The following CSF1R variants were observed in gnomAD, a reference collection of about 807,000 sequenced individuals.
The protein encoded by CSF1R is colony stimulating factor 1 receptor, also known as macrophage colony-stimulating factor 1 receptor.
CSF1R carries 40 observed loss-of-function variants against 110.0 expected under a neutral mutation model. The observed-to-expected ratio is 0.36, with a 90% confidence interval of 0.28 to 0.47. CSF1R has a LOEUF of 0.47. Among genes scored for constraint, CSF1R ranks in the 20% least tolerant of loss-of-function variants. CSF1R has a pLI of 0.99. For synonymous variants in CSF1R, 523 were observed against 503.4 expected (o/e 1.04, Z -0.52); for missense variants, 1,052 against 1,253.0 (o/e 0.84, Z 2.42).
intron 14 of CSF1R, chr5:150,058,313 C>G (rs1757344107): frequency 4.4e-6 from 2 of 456,166 alleles, no homozygotes; most frequent in Non-Finnish European, 8.8e-6. Flanking sequence ...AGAAGCACTA[C>G]TGTAGACTGA....
rs1217004843 is a variant in CSF1R, at chr5:150,084,455, G to GAAGA, written c.49+1920_49+1923dup. Among the ~76,000 whole-genome samples the GAAGA allele has an allele frequency of 4.4e-4, 27 of 61,716 alleles. 1 individual carries two copies. The highest frequency in any genetic ancestry group is 2.0e-3 in the African/African-American group (19 of 9,614). The allele number at this position is 61,716 out of a possible 152,430, so 40.5% of individuals were successfully genotyped here. On this transcript the variant is annotated intron_variant, in intron 1 of 20. Coordinates refer to ENST00000675795, the MANE Select transcript of CSF1R (RefSeq NM_001288705.3). ...GGAAGGAAGGAAGGAAGGAAGGAAGGAAGAAAGAAAGGAAGGAGATGGAGT... is the reference window on the plus strand; with the variant it reads ...GGAAGGAAGGAAGGAAGGAAGGAAGGAAGAAAGAAAGAAAGGAAGGAGATGGAGT...
intron 1 of CSF1R, among the ~76,000 whole-genome samples, chr5:150,105,167 T>G (rs1759509915): frequency 6.6e-6 from 1 of 150,946 alleles, no homozygotes; most frequent in Non-Finnish European, 1.5e-5. Context: ...GCTAACACAG[T>G]GAAACCCTGT....
At position 150,057,347 on chromosome 5, in the gene CSF1R, C is replaced by T. The variant is rs761500096; in HGVS notation, c.2259G>A (p.Arg753=). Residue 753 remains arginine, a synonymous_variant, in exon 16 of 21, where the codon CGG becomes CGA. Coordinates refer to ENST00000675795, the MANE Select transcript of CSF1R (RefSeq NM_001288705.3). The part of the protein sequence containing the change: ...DKEDGRPLEL[R]DLLHFSSQVA... ...CTTGGCTGGAGAAGTGAAGCAGGTCCCGGAGCTCCAGGGGCCGTCCATCCT... is the reference window on the plus strand; with the variant it reads ...CTTGGCTGGAGAAGTGAAGCAGGTCTCGGAGCTCCAGGGGCCGTCCATCCT... The T allele has an allele frequency of 6.2e-7, 1 of 1,614,086 alleles. No individual in the cohort carries two copies. The highest frequency in any genetic ancestry group is 8.5e-7 in the Non-Finnish European group (1 of 1,180,030).
chr5:150,080,176 G>A lies in CSF1R; in HGVS notation c.468C>T (p.Phe156=). 6.2e-7 allele frequency: 1 copy of A among 1,613,928 alleles called. No homozygotes were observed. The highest frequency in any genetic ancestry group is 8.5e-7 in the Non-Finnish European group (1 of 1,180,048). The change falls in exon 3 of 21, where the codon TTC becomes TTT. Residue 156 remains phenylalanine, a synonymous_variant. Coordinates refer to ENST00000675795, the MANE Select transcript of CSF1R (RefSeq NM_001288705.3). ...RPLMRHTNYS[F]SPWHGFTIHR... ...GGATGGTGAAGCCATGCCAGGGCGA[G>A]AAGGAGTAGTTGGTGTGGCGCATGA...
rs1007084965 is a variant in CSF1R, at chr5:150,056,149, G to A, written c.2443-12C>T. 1.2e-6 allele frequency: 2 copies of A among 1,614,100 alleles called. No individual in the cohort carries two copies. Among genetic ancestry groups the A allele is most frequent in the Non-Finnish European group, 8.5e-7 (1 of 1,180,034 alleles). ...ACAGGCAGGCGGGCCTGGGATGACA[G>A]TCCCCAGTTATTTTGGGCCCCGACT... is the stretch of plus-strand genomic sequence containing the variant. On this transcript the variant is annotated splice_polypyrimidine_tract_variant and intron_variant, in intron 17 of 20. Transcript: ENST00000675795.
Position 150,054,189 on chromosome 5 carries a change from A to G in CSF1R, c.2799T>C (p.Gly933=), listed in dbSNP as rs41287092. 4.2e-3 allele frequency: 6,778 copies of G among 1,611,920 alleles called. 33 individuals carry two copies. Among genetic ancestry groups the G allele is most frequent in the Middle Eastern group, 0.011 (69 of 6,058 alleles). The change falls in exon 21 of 21, where the codon GGT becomes GGC. Residue 933 remains glycine (G), a synonymous_variant. Transcript: ENST00000675795. ...YTNLPSSSRS[G]GSGSSSSELE... ...GCTCACTGCTGCTGCTGCCGCTGCC[A>G]CCGCTTCTGCTGCTGCTCGGCAGAT...
At chr5:150,087,753 A>T (rs1176717402), upstream of CSF1R, among the ~76,000 whole-genome samples, 4 of 149,340 alleles carry the variant, frequency 2.7e-5, no homozygotes, top group African/African-American at 9.9e-5. Flanking sequence ...TTTTTTTCTG[A>T]GACAGGGTTT....
intron 5 of CSF1R, among the ~76,000 whole-genome samples, chr5:150,074,544 G>A (rs1293077779): frequency 1.3e-5 from 2 of 152,026 alleles, no homozygotes; most frequent in Non-Finnish European, 2.9e-5. Context: ...CTCAGGCAAG[G>A]GAATTGTGGC....
In CSF1R at chr5:150,054,315, C is replaced by T. The variant is rs371729310; in HGVS notation, c.2763+7G>A. On this transcript the variant is annotated splice_region_variant and intron_variant, in intron 20 of 20. Coordinates refer to ENST00000675795, the MANE Select transcript of CSF1R (RefSeq NM_001288705.3). Reference sequence around the variant, plus strand: ...CGGCCACCCACCCCAAGCCTCACCCCACTCACCCGCTCTCTCCTGTCCTCT... The same window carrying T: ...CGGCCACCCACCCCAAGCCTCACCCTACTCACCCGCTCTCTCCTGTCCTCT... 8.4e-5 allele frequency: 136 copies of T among 1,614,048 alleles called. No homozygotes were observed. The highest frequency in any genetic ancestry group is 1.1e-4 in the Non-Finnish European group (129 of 1,180,034).
intron 5 of CSF1R, among the ~76,000 whole-genome samples, chr5:150,075,350 T>C (rs1758216870): frequency 6.6e-6 from 1 of 152,152 alleles, no homozygotes; most frequent in South Asian, 2.1e-4. Context: ...GTAGCCTCCT[T>C]TCATCTCACC....
At chr5:150,101,631 T>TC (rs1759407006) in intron 1 of CSF1R, among the ~76,000 whole-genome samples, 1 of 148,978 alleles carries the variant, frequency 6.7e-6, no homozygotes. Context: ...GGCAATCCCC[T>TC]CCCACTCCTT....
At chr5:150,057,625 C>A (rs761311600) in intron 14 of CSF1R, 33 bp from the exon 15 acceptor site, 2 of 1,518,778 alleles carry the variant, frequency 1.3e-6, no homozygotes. Flanking sequence ...GGGCAGAGGT[C>A]ACTCATCATC....
chr5:150,076,648 C>A (rs546096674), intron 5 of CSF1R, among the ~76,000 whole-genome samples: 1 of 152,336 alleles, frequency 6.6e-6, no homozygotes, highest in Non-Finnish European at 1.5e-5. Context: ...CTTCTGCCAC[C>A]TCCTCTGCTC....
intron 1 of CSF1R, among the ~76,000 whole-genome samples, chr5:150,109,389 G>A (rs931110789): frequency 2.6e-5 from 4 of 152,210 alleles, no homozygotes; most frequent in African/African-American, 4.8e-5. Flanking sequence ...TGGGTTTCCC[G>A]ACGGGTGGGA....
intron 1 of CSF1R, among the ~76,000 whole-genome samples, chr5:150,108,829 C>A (rs946955759): frequency 6.6e-6 from 1 of 152,032 alleles, no homozygotes; most frequent in Non-Finnish European, 1.5e-5. Flanking sequence ...GGGGTGGGAG[C>A]TGCTGGAGAG....
chr5:150,082,937 C>T (rs1035600344), intron 1 of CSF1R, among the ~76,000 whole-genome samples: 1 of 152,204 alleles, frequency 6.6e-6, no homozygotes, highest in Non-Finnish European at 1.5e-5. Flanking sequence ...ACACCTGCCT[C>T]ACACCTTACA....
chr5:150,095,183 A>G, intron 1 of CSF1R: 3 of 624,712 alleles, frequency 4.8e-6, no homozygotes, highest in Non-Finnish European at 8.2e-6. Context: ...CCGAAAGGAG[A>G]GATATAAAAA....
chr5:150,104,492 G>A (rs192818550), intron 1 of CSF1R, among the ~76,000 whole-genome samples: 87 of 152,314 alleles, frequency 5.7e-4, no homozygotes, highest in Non-Finnish European at 8.8e-4. Context: ...GGGCTCAACC[G>A]CATCCCAGCA....
chr5:150,110,381 A>T (rs971235624), intron 1 of CSF1R, among the ~76,000 whole-genome samples: 1 of 152,146 alleles, frequency 6.6e-6, no homozygotes, highest in Non-Finnish European at 1.5e-5. Context: ...AGAAAGTAAA[A>T]ATTGCCTTGC....
Sources: gnomAD v4.1 joint callset for allele counts (sites outside exome capture counted in the v4.1 genomes callset) on GRCh38, gnomAD v4.1.1 for gene constraint, MANE v1.5 for transcripts, NCBI Gene and HGNC (gene_info 2026-07-23, HGNC 2026-07-21) for gene names.